Variants in CACNA1E observed in about 807,000 individuals in gnomAD.
The protein encoded by CACNA1E is calcium voltage-gated channel subunit alpha1 E.
CACNA1E carries 40 observed loss-of-function variants against 259.2 expected under a neutral mutation model. That is an observed-to-expected ratio of 0.15 (90% CI 0.12 to 0.20). The LOEUF is 0.20. CACNA1E is among the 10% of genes least tolerant of loss of function. The pLI is 1.00. For missense variants in CACNA1E, 1,874 were observed against 3,040.1 expected (o/e 0.62, Z 9.02); for synonymous variants, 1,104 against 1,138.5 (o/e 0.97, Z 0.61).
chr1:181,706,542 A>G (rs1325411277), intron 7 of CACNA1E, among the ~76,000 whole-genome samples: 2 of 152,202 alleles, frequency 1.3e-5, no homozygotes, highest in Non-Finnish European at 2.9e-5. Flanking sequence ...AACGCTATGA[A>G]TTTTATTCTA....
chr1:181,601,993 C>T (rs1653790562), intron 6 of CACNA1E, among the ~76,000 whole-genome samples: 1 of 152,144 alleles, frequency 6.6e-6, no homozygotes, highest in South Asian at 2.1e-4. Context: ...CTTGCTGGAA[C>T]ATTCTTCCCA....
chr1:181,530,101 C>T (rs1032222276), intron 3 of CACNA1E, among the ~76,000 whole-genome samples: 9 of 152,150 alleles, frequency 5.9e-5, no homozygotes, highest in African/African-American at 7.2e-5. Flanking sequence ...AACTGAATCA[C>T]GAGGGCTAGT....
intron 6 of CACNA1E, among the ~76,000 whole-genome samples, chr1:181,620,922 C>T (rs1189461349): frequency 1.3e-5 from 2 of 152,060 alleles, no homozygotes; most frequent in African/African-American, 4.8e-5. Flanking sequence ...CAACTCTAAA[C>T]AGCACCATAA....
intron 37 of CACNA1E, among the ~76,000 whole-genome samples, chr1:181,774,662 A>G (rs1229720932): frequency 6.6e-6 from 1 of 152,196 alleles, no homozygotes; most frequent in African/African-American, 2.4e-5. Context: ...GAAAAGAAGG[A>G]AGAGAAGAGT....
At chr1:181,615,876 T>A (rs1006244253) in intron 6 of CACNA1E, among the ~76,000 whole-genome samples, 1 of 152,254 alleles carries the variant, frequency 6.6e-6, no homozygotes, top group African/African-American at 2.4e-5. Context: ...GTAGGTTTTT[T>A]ATAGACACCC....
intron 7 of CACNA1E, among the ~76,000 whole-genome samples, chr1:181,697,882 A>G (rs1651868334): frequency 1.3e-5 from 2 of 152,358 alleles, no homozygotes; most frequent in Admixed American, 1.3e-4. Flanking sequence ...ACTGTTGCCT[A>G]TAAATACATA....
At chr1:181,340,152 G>T (rs1420284856) in intron 1 of CACNA1E, among the ~76,000 whole-genome samples, 1 of 151,494 alleles carries the variant, frequency 6.6e-6, no homozygotes, top group East Asian at 1.9e-4. Context: ...TTGGGGGAAG[G>T]ATCCTACATA....
intron 3 of CACNA1E, among the ~76,000 whole-genome samples, chr1:181,569,943 CAT>C (rs1358762555): frequency 6.6e-6 from 1 of 152,142 alleles, no homozygotes; most frequent in African/African-American, 2.4e-5. Context: ...GGGAGTTAAA[CAT>C]AGAGCAGCTC....
chr1:181,664,148 G>A (rs1279908212), intron 7 of CACNA1E, among the ~76,000 whole-genome samples: 1 of 152,208 alleles, frequency 6.6e-6, no homozygotes, highest in Non-Finnish European at 1.5e-5. Flanking sequence ...GTGGGCAAGT[G>A]ACATGCCCTA....
chr1:181,478,512 T>C (rs1378844350), intron 2 of CACNA1E, among the ~76,000 whole-genome samples: 1 of 152,218 alleles, frequency 6.6e-6, no homozygotes, highest in Non-Finnish European at 1.5e-5. Context: ...TCCCAAATCC[T>C]CTCTGCATTA....
rs913718022 is a variant in CACNA1E, at chr1:181,776,639, C to T, written c.5267+411C>T. 4.6e-5 allele frequency among the ~76,000 whole-genome samples: 7 copies of T among 152,204 alleles called. No homozygotes were observed. The highest frequency in any genetic ancestry group is 8.8e-5 in the Non-Finnish European group (6 of 68,032). On this transcript the variant is annotated intron_variant, in intron 38 of 47. Transcript: ENST00000367573. This position sits in a 1 kb window ranked among gnomAD's most constrained non-coding sequence, Gnocchi z 4.4. Reference sequence around the variant, plus strand: ...ATCAGTGACTGTGTTTTCTCTTTCTCGTTCCTCTCAACAGATACAGTTGGA... The same window carrying T: ...ATCAGTGACTGTGTTTTCTCTTTCTTGTTCCTCTCAACAGATACAGTTGGA...
intron 7 of CACNA1E, among the ~76,000 whole-genome samples, chr1:181,666,707 A>AAT (rs758610138): frequency 3.3e-4 from 49 of 148,188 alleles, no homozygotes; most frequent in Middle Eastern, 3.5e-3. Context: ...ACAGGAACCA[A>AAT]ATATATATAT....
In CACNA1E at chr1:181,784,923, A is replaced by C. The variant is rs576602; in HGVS notation, c.5578+155A>C. Among the ~76,000 whole-genome samples the C allele has an allele frequency of 0.24, 36,986 of 152,102 alleles. 4,713 individuals are homozygous for C. Among genetic ancestry groups the C allele is most frequent in the South Asian group, 0.47 (2,252 of 4,810 alleles). ...GACTTAAGGATAAAACATGTTCTTT[A>C]AGATAGGTCACTGTGGTTGTGGATG... On this transcript the variant is annotated intron_variant, in intron 41 of 47. Coordinates refer to ENST00000367573, the MANE Select transcript of CACNA1E (RefSeq NM_001205293.3).
At chr1:181,658,585 A>G (rs2102114584) in intron 7 of CACNA1E, among the ~76,000 whole-genome samples, 1 of 152,232 alleles carries the variant, frequency 6.6e-6, no homozygotes, top group Middle Eastern at 3.4e-3. Flanking sequence ...TCTTAGGTCC[A>G]GGTGGCATCA....
At chr1:181,724,431 T>G (rs1654697752) in intron 16 of CACNA1E, 39 bp from the exon 17 acceptor site, 2 of 1,571,144 alleles carry the variant, frequency 1.3e-6, no homozygotes, top group East Asian at 4.5e-5. Context: ...TGAAGACTTT[T>G]GCTTTTCTTA....
In CACNA1E at chr1:181,483,976, G is replaced by A; in HGVS notation, c.232G>A (p.Val78Ile). 1 of 1,613,808 alleles carries A rather than the reference G, an allele frequency of 6.2e-7. No individual in the cohort carries two copies. The highest frequency in any genetic ancestry group is 8.5e-7 in the Non-Finnish European group (1 of 1,179,806). Reference protein sequence around the residue: ...SLFIFGEDNIVRKYAKKLIDW... With the variant: ...SLFIFGEDNIIRKYAKKLIDW... ...GTTCATCTTCGGAGAAGATAACATT[G>A]TCAGGAAATATGCCAAGAAGCTCAT... Residue 78 changes from valine to isoleucine, a missense_variant, in exon 1 of 48, where the codon GTC becomes ATC. By Grantham distance (29) the Val-to-Ile change is conservative. Around this residue, in one of 14 missense-constraint regions of CACNA1E, gnomAD observed 110 missense variants for 122.8 expected, o/e 0.90. Transcript: ENST00000367573.
intron 25 of CACNA1E, among the ~76,000 whole-genome samples, chr1:181,742,874 A>T (rs1047087298): frequency 6.6e-6 from 1 of 152,204 alleles, no homozygotes; most frequent in African/African-American, 2.4e-5. Flanking sequence ...AAAGCTGGAA[A>T]ATTCCATTAG....
At position 181,622,551 on chromosome 1, in the gene CACNA1E, G is replaced by T. The variant is rs78549037; in HGVS notation, c.952-28787G>T. Among the ~76,000 whole-genome samples the T allele has an allele frequency of 8.3e-3, 1,258 of 152,188 alleles. 25 individuals are homozygous for T. Among genetic ancestry groups the T allele is most frequent in the African/African-American group, 0.029 (1,205 of 41,508 alleles). On this transcript the variant is annotated intron_variant, in intron 6 of 47. Transcript: ENST00000367573. Reference sequence around the variant, plus strand: ...GTGTCCTCCCATGTTCTTTTTCTGTGTGCATGCATCTTTTGTGTACAAGTT... The same window carrying T: ...GTGTCCTCCCATGTTCTTTTTCTGTTTGCATGCATCTTTTGTGTACAAGTT...
intron 27 of CACNA1E, 106 bp from the exon 28 acceptor site, chr1:181,755,131 A>C (rs1322107928): frequency 8.6e-6 from 7 of 817,866 alleles, no homozygotes; most frequent in Non-Finnish European, 3.7e-6. Flanking sequence ...TCCTGGGACA[A>C]CTTCTTGGTG....
Sources: allele counts gnomAD v4.1 joint callset (sites outside exome capture counted in the v4.1 genomes callset), GRCh38; gene constraint gnomAD v4.1.1; regional missense constraint gnomAD v4.1.1; non-coding constraint Gnocchi (gnomAD v3.1); transcripts MANE v1.5; gene names NCBI Gene and HGNC (gene_info 2026-07-23, HGNC 2026-07-21).